IPCEF1: variants seen among roughly 807,000 people sequenced by gnomAD.
IPCEF1 encodes interactor protein for cytohesin exchange factors 1.
IPCEF1 carries 31 observed loss-of-function variants against 50.9 expected under a neutral mutation model. That is an observed-to-expected ratio of 0.61 (90% CI 0.46 to 0.82). The LOEUF is 0.82. IPCEF1 is among the 40% of genes least tolerant of loss of function. The pLI, the probability that IPCEF1 is intolerant of heterozygous loss-of-function variation, is 0.00. For missense variants in IPCEF1, 458 were observed against 514.0 expected, an observed-to-expected ratio of 0.89 and a Z score of 1.05; for synonymous variants, 181 against 192.0, an observed-to-expected ratio of 0.94 and a Z score of 0.47.
chr6:154,326,160 T>G (rs972759480), intron 1 of IPCEF1, among the ~76,000 whole-genome samples: 2 of 149,800 alleles, frequency 1.3e-5, no homozygotes, highest in Non-Finnish European at 2.9e-5. Context: ...AGGCAGAGGC[T>G]GCAGTGAGCC....
chr6:154,266,019 CA>C (rs1781744907), intron 2 of IPCEF1, 55 bp from the exon 3 acceptor site: 4 of 984,176 alleles, frequency 4.1e-6, no homozygotes, highest in Admixed American at 2.2e-5. Context: ...TTCATAAAAA[CA>C]TATATCTCTT....
chr6:154,327,462 G>GA (rs1161636914), intron 1 of IPCEF1, among the ~76,000 whole-genome samples: 1 of 151,888 alleles, frequency 6.6e-6, no homozygotes, highest in Non-Finnish European at 1.5e-5. Context: ...AACATATGGG[G>GA]AAAAAAAGCT....
chr6:154,333,654 A>G (rs1783724076), intron 1 of IPCEF1, among the ~76,000 whole-genome samples: 1 of 151,474 alleles, frequency 6.6e-6, no homozygotes. Context: ...ACATGTATAC[A>G]TATATGTGTA....
chr6:154,173,943 A>G (rs969319394), intron 10 of IPCEF1, among the ~76,000 whole-genome samples: 1 of 152,220 alleles, frequency 6.6e-6, no homozygotes, highest in Admixed American at 6.5e-5. Context: ...TTACCTACAA[A>G]GGGAAGCCCA....
intron 2 of IPCEF1, among the ~76,000 whole-genome samples, chr6:154,268,966 A>G (rs1219515975): frequency 6.6e-6 from 1 of 152,086 alleles, no homozygotes; most frequent in Non-Finnish European, 1.5e-5. Flanking sequence ...TTTTATTCAT[A>G]GAAGTTTTCA....
chr6:154,173,690 A>G (rs954028745), intron 10 of IPCEF1, among the ~76,000 whole-genome samples: 4 of 152,320 alleles, frequency 2.6e-5, no homozygotes, highest in Non-Finnish European at 4.4e-5. Flanking sequence ...CCAAATCTAC[A>G]TTTGATTGGT....
At chr6:154,284,851 T>C (rs1782319819) in intron 2 of IPCEF1, among the ~76,000 whole-genome samples, 1 of 152,062 alleles carries the variant, frequency 6.6e-6, no homozygotes, top group Admixed American at 6.5e-5. Flanking sequence ...AATACAAAAA[T>C]TAGCCAGGTT....
Position 154,159,589 on chromosome 6 carries a change from C to T in IPCEF1, c.*239G>A. On this transcript the variant is annotated 3_prime_UTR_variant, in exon 12 of 12. Coordinates refer to ENST00000367220, the MANE Select transcript of IPCEF1 (RefSeq NM_001130700.2). Reference sequence around the variant, plus strand: ...CATCACCGTGAGCTCCCAGTAGGAACACAAAAAACGCCTTTCAACTGAACT... The same window carrying T: ...CATCACCGTGAGCTCCCAGTAGGAATACAAAAAACGCCTTTCAACTGAACT... 1 of 515,914 alleles carries T rather than the reference C, an allele frequency of 1.9e-6. No homozygotes were observed. Among genetic ancestry groups the T allele is most frequent in the East Asian group, 3.6e-5 (1 of 27,850 alleles). The allele number at this position is 515,914 out of a possible 1,614,324, so 32.0% of individuals were successfully genotyped here. A position where few individuals can be genotyped will look rare whatever the true frequency, so the allele number is the denominator to read the frequency against.
At chr6:154,313,404 A>C (rs1783134436) in intron 1 of IPCEF1, among the ~76,000 whole-genome samples, 1 of 151,938 alleles carries the variant, frequency 6.6e-6, no homozygotes, top group Non-Finnish European at 1.5e-5. Context: ...AAAAAAATTA[A>C]TGTCACACAG....
In IPCEF1 at chr6:154,168,449, T is replaced by A. The variant is rs1799611276; in HGVS notation, c.911-336A>T. ...GTCTCTGTGTCCAAACTCCCCCTAT[T>A]TATGAGGGTATCAGTCATGTTGGAT... On this transcript the variant is annotated intron_variant, in intron 10 of 11. Coordinates refer to ENST00000367220, the MANE Select transcript of IPCEF1 (RefSeq NM_001130700.2). This position sits in a 1 kb window ranked among gnomAD's most constrained non-coding sequence, Gnocchi z 4.1. 6.6e-6 allele frequency among the ~76,000 whole-genome samples: 1 copy of A among 152,130 alleles called. No individual in the cohort carries two copies. The highest frequency in any genetic ancestry group is 2.4e-5 in the African/African-American group (1 of 41,434).
At chr6:154,165,671 G>A (rs1198303213) in intron 11 of IPCEF1, among the ~76,000 whole-genome samples, 1 of 152,186 alleles carries the variant, frequency 6.6e-6, no homozygotes, top group Non-Finnish European at 1.5e-5. Flanking sequence ...TCTGCTTCCT[G>A]GTATTCAAGG....
intron 10 of IPCEF1, among the ~76,000 whole-genome samples, chr6:154,188,079 T>C (rs1035865340): frequency 3.3e-5 from 5 of 152,182 alleles, no homozygotes; most frequent in Non-Finnish European, 5.9e-5. Context: ...AGCAAAACCA[T>C]TATCATTTGT....
chr6:154,192,960 C>T (rs765953185), intron 10 of IPCEF1, among the ~76,000 whole-genome samples: 5 of 152,114 alleles, frequency 3.3e-5, no homozygotes, highest in Non-Finnish European at 5.9e-5. Flanking sequence ...AACAGTGTGG[C>T]GATTCCTTAA....
intron 5 of IPCEF1, among the ~76,000 whole-genome samples, chr6:154,232,049 GT>G (rs1269136068): frequency 1.3e-5 from 2 of 152,184 alleles, no homozygotes; most frequent in African/African-American, 2.4e-5. Flanking sequence ...GTCTTGGTAG[GT>G]TTTTTTCCTT....
intron 10 of IPCEF1, among the ~76,000 whole-genome samples, chr6:154,178,154 G>C (rs1259469594): frequency 1.3e-5 from 2 of 151,916 alleles, no homozygotes; most frequent in Non-Finnish European, 2.9e-5. Flanking sequence ...TGGGGGGCTG[G>C]GGGAGGGATA....
At chr6:154,315,266 C>T (rs1252699577) in intron 1 of IPCEF1, among the ~76,000 whole-genome samples, 2 of 152,152 alleles carry the variant, frequency 1.3e-5, no homozygotes, top group Non-Finnish European at 2.9e-5. Context: ...TATTTTTGCT[C>T]ACTCATGTAC....
chr6:154,211,252 T>C (rs1777936440), intron 9 of IPCEF1, among the ~76,000 whole-genome samples: 2 of 151,862 alleles, frequency 1.3e-5, no homozygotes, highest in Non-Finnish European at 2.9e-5. Context: ...CCGTCTCTAC[T>C]AAAAATACAA....
chr6:154,224,429 T>TG (rs1223753376), intron 5 of IPCEF1, among the ~76,000 whole-genome samples: 1 of 152,186 alleles, frequency 6.6e-6, no homozygotes, highest in East Asian at 1.9e-4. Flanking sequence ...AACTCAAGGC[T>TG]GGGTGCAGTG....
In IPCEF1 at chr6:154,212,822, T is replaced by G; in HGVS notation, c.485A>C (p.Glu162Ala). Residue 162 changes from glutamate to alanine, a missense_variant, in exon 9 of 12, where the codon GAA (glutamate) becomes GCA (alanine). By Grantham distance (107) the Glu-to-Ala change is moderately radical (BLOSUM62 -1). Transcript: ENST00000367220. ...CYSESEQEDP[E>A]IAAETPPPPH... The stretch of plus-strand genomic sequence containing the variant: ...AGGGGGTGGTGTCTCCGCAGCTATT[T>G]CTGGATCTTCCTGTTCACTTTCACT... 6.2e-7 allele frequency: 1 copy of G among 1,613,754 alleles called. No individual in the cohort carries two copies. The highest frequency in any genetic ancestry group is 8.5e-7 in the Non-Finnish European group (1 of 1,179,614).
Sources: gnomAD v4.1 joint callset for allele counts (sites outside exome capture counted in the v4.1 genomes callset) on GRCh38, gnomAD v4.1.1 for gene constraint, Gnocchi (gnomAD v3.1) non-coding constraint, MANE v1.5 for transcripts, NCBI Gene and HGNC (gene_info 2026-07-23, HGNC 2026-07-21) for gene names.